PHC3: variants seen among roughly 807,000 people sequenced by gnomAD.
PHC3 encodes the protein polyhomeotic homolog 3.
PHC3 carries 13 observed loss-of-function variants against 107.4 expected under a neutral mutation model. That is an observed-to-expected ratio of 0.12 (90% CI 0.08 to 0.19). The LOEUF is 0.19. PHC3 is among the 10% of genes least tolerant of loss of function. The probability of loss-of-function intolerance (pLI) is 1.00; values close to 1 mark genes in which losing one functional copy is unlikely to be tolerated. For missense variants in PHC3, 992 were observed against 1,210.9 expected, an observed-to-expected ratio of 0.82 and a Z score of 2.68; for synonymous variants, 456 against 427.4, an observed-to-expected ratio of 1.07 and a Z score of -0.83.
At chr3:170,166,720 A>C (rs1174276201) in intron 4 of PHC3, among the ~76,000 whole-genome samples, 1 of 152,150 alleles carries the variant, frequency 6.6e-6, no homozygotes, top group African/African-American at 2.4e-5. Context: ...GCTAGAGTAC[A>C]GTGGCATAAT....
rs545604074 is a variant in PHC3 at position 170,111,223 on chromosome 3, C to T, written c.2353+2137G>A. Among the ~76,000 whole-genome samples, 8 of 150,098 alleles carry T rather than the reference C, an allele frequency of 5.3e-5. No individual in the cohort carries two copies. In the South Asian group the frequency reaches 6.3e-4, roughly 12 times the overall value. Reference sequence around the variant, plus strand: ...TATTATTTTGAGAGAGGCACACTGACGTATGTACCGGTGACTACGATTTTC... The same window carrying T: ...TATTATTTTGAGAGAGGCACACTGATGTATGTACCGGTGACTACGATTTTC... On this transcript the variant is annotated intron_variant, in intron 11 of 14. Coordinates refer to ENST00000495893, the MANE Select transcript of PHC3 (RefSeq NM_024947.4).
chr3:170,146,877 C>CTTTTTTTTTTTTTTTT (rs1035803336), intron 5 of PHC3, among the ~76,000 whole-genome samples: 2 of 98,008 alleles, frequency 2.0e-5, no homozygotes, highest in Admixed American at 2.2e-4. Flanking sequence ...TCTATTTTTT[C>CTTTTTTTTTTTTTTTT]TTTTTTTTTT....
At chr3:170,151,264 A>G (rs993292646) in intron 4 of PHC3, among the ~76,000 whole-genome samples, 1 of 152,264 alleles carries the variant, frequency 6.6e-6, no homozygotes, top group East Asian at 1.9e-4. Context: ...ATATAATCCA[A>G]CCTCAAATCA....
At chr3:170,144,344 A>AC (rs1351039215) in intron 6 of PHC3, among the ~76,000 whole-genome samples, 2 of 150,738 alleles carry the variant, frequency 1.3e-5, no homozygotes, top group African/African-American at 4.9e-5. Context: ...TCTGTCTCAA[A>AC]AAAAAAAAAA....
intron 10 of PHC3, 88 bp downstream of exon 10, chr3:170,117,138 A>G (rs1719166558): frequency 6.7e-7 from 1 of 1,483,840 alleles, no homozygotes; most frequent in East Asian, 2.3e-5. Context: ...TAAAATTACA[A>G]GCTTTTTATT....
intron 6 of PHC3, among the ~76,000 whole-genome samples, chr3:170,141,759 G>A (rs752315707): frequency 6.6e-6 from 1 of 151,934 alleles, no homozygotes; most frequent in African/African-American, 2.4e-5. Context: ...CTACAGGCCC[G>A]CACCACCACG....
chr3:170,103,289 T>G (rs963247922), intron 12 of PHC3, among the ~76,000 whole-genome samples: 1 of 152,208 alleles, frequency 6.6e-6, no homozygotes, highest in African/African-American at 2.4e-5. Context: ...AAAAAGAAGT[T>G]ATGTAGTATC....
At chr3:170,173,985 G>T (rs922330611) in intron 2 of PHC3, among the ~76,000 whole-genome samples, 7 of 152,220 alleles carry the variant, frequency 4.6e-5, no homozygotes, top group African/African-American at 1.7e-4. Flanking sequence ...CTGAGGTCAG[G>T]AGTTCAAGAC....
chr3:170,103,441 G>C (rs1257432183), intron 12 of PHC3, among the ~76,000 whole-genome samples: 1 of 152,164 alleles, frequency 6.6e-6, no homozygotes, highest in Non-Finnish European at 1.5e-5. Flanking sequence ...GAATGAAAAT[G>C]TAAAGTGGAG....
intron 8 of PHC3, among the ~76,000 whole-genome samples, chr3:170,124,685 A>C (rs188329974): frequency 1.3e-5 from 2 of 152,364 alleles, no homozygotes; most frequent in African/African-American, 4.8e-5. Flanking sequence ...GTTAACAAAC[A>C]AACTTTCAAC....
chr3:170,146,943 C>A (rs182281879), intron 5 of PHC3, among the ~76,000 whole-genome samples: 1 of 131,628 alleles, frequency 7.6e-6, no homozygotes, highest in East Asian at 2.3e-4. Context: ...AGTGCAATGG[C>A]GCGATGTCCG....
chr3:170,111,325 C>G (rs559568907), intron 11 of PHC3, among the ~76,000 whole-genome samples: 59 of 99,642 alleles, frequency 5.9e-4, no homozygotes, highest in South Asian at 9.2e-4. Context: ...AAGGAACGAA[C>G]GAACGAAAGA....
chr3:170,120,232 A>T (rs1560049013), intron 9 of PHC3, among the ~76,000 whole-genome samples: 1 of 152,260 alleles, frequency 6.6e-6, no homozygotes, highest in South Asian at 2.1e-4. Context: ...TTCAGTGTAA[A>T]CCACAAAGAT....
At chr3:170,106,012 G>C (rs1716433769) in intron 12 of PHC3, among the ~76,000 whole-genome samples, 1 of 152,202 alleles carries the variant, frequency 6.6e-6, no homozygotes, top group Non-Finnish European at 1.5e-5. Context: ...AGGAGTTTGA[G>C]ACCAGCCTGG....
At chr3:170,137,436 C>T (rs1406641624) in intron 6 of PHC3, among the ~76,000 whole-genome samples, 1 of 152,100 alleles carries the variant, frequency 6.6e-6, no homozygotes, top group Non-Finnish European at 1.5e-5. Flanking sequence ...CAGAAAAATG[C>T]TGCTCCAAAA....
chr3:170,100,768 G>A (rs557918229), intron 14 of PHC3, among the ~76,000 whole-genome samples: 3 of 152,094 alleles, frequency 2.0e-5, no homozygotes, highest in East Asian at 3.9e-4. Flanking sequence ...AGGATGCTGG[G>A]GAAAATTAGC....
At chr3:170,147,415 G>C (rs1360847677) in intron 5 of PHC3, 1 of 152,064 alleles carries the variant, frequency 6.6e-6, no homozygotes, top group East Asian at 1.9e-4. Flanking sequence ...CTAAATCTAA[G>C]TAAATTCAAC....
intron 4 of PHC3, among the ~76,000 whole-genome samples, chr3:170,152,051 C>A (rs939123605): frequency 1.3e-5 from 2 of 151,950 alleles, no homozygotes; most frequent in African/African-American, 4.8e-5. Flanking sequence ...TTATCTAATT[C>A]TCTAAATGTA....
chr3:170,112,205 ATTTAC>A (rs1040747692), intron 11 of PHC3, among the ~76,000 whole-genome samples: 73 of 151,684 alleles, frequency 4.8e-4, no homozygotes, highest in African/African-American at 1.7e-3. Flanking sequence ...TTGGACTTCT[ATTTAC>A]TTTATTTCAT....
Sources: allele counts gnomAD v4.1 joint callset (sites outside exome capture counted in the v4.1 genomes callset), GRCh38; gene constraint gnomAD v4.1.1; transcripts MANE v1.5; gene names NCBI Gene and HGNC (gene_info 2026-07-23, HGNC 2026-07-21).